RIMS1: variants seen among roughly 807,000 people sequenced by gnomAD.
The protein encoded by RIMS1 is regulating synaptic membrane exocytosis protein 1.
Under a neutral mutation model 214.1 loss-of-function variants are expected in RIMS1, and 83 were observed. That is an observed-to-expected ratio of 0.39 (90% confidence interval 0.32 to 0.47). RIMS1 has a LOEUF of 0.47. Among genes scored for constraint, RIMS1 ranks in the 20% least tolerant of loss-of-function variants. The pLI, the probability that RIMS1 is intolerant of heterozygous loss-of-function variation, is 0.99. For missense variants in RIMS1, 2,050 were observed against 2,161.8 expected, an observed-to-expected ratio of 0.95 and a Z score of 1.03; for synonymous variants, 793 against 786.8, an observed-to-expected ratio of 1.01 and a Z score of -0.13.
intron 29 of RIMS1, among the ~76,000 whole-genome samples, chr6:72,365,455 A>G (rs1036572781): frequency 5.3e-5 from 8 of 152,230 alleles, no homozygotes; most frequent in Admixed American, 1.3e-4. Context: ...TGCCATTTCA[A>G]TTTTAATACC....
At chr6:72,098,542 G>A (rs1395541793) in intron 3 of RIMS1, among the ~76,000 whole-genome samples, 2 of 149,084 alleles carry the variant, frequency 1.3e-5, no homozygotes, top group Non-Finnish European at 3.0e-5. Flanking sequence ...TGATCCGCCC[G>A]TCTCGGCTTC....
chr6:71,981,206 G>A (rs1396427422), intron 2 of RIMS1, among the ~76,000 whole-genome samples: 2 of 152,070 alleles, frequency 1.3e-5, no homozygotes, highest in South Asian at 2.1e-4. Context: ...ATGCTGTTGT[G>A]TTTTAGGCAC....
chr6:72,013,279 A>G (rs1246593118), intron 2 of RIMS1, among the ~76,000 whole-genome samples: 1 of 152,188 alleles, frequency 6.6e-6, no homozygotes, highest in Non-Finnish European at 1.5e-5. Flanking sequence ...AAAAAACAGC[A>G]ATATAATTTA....
intron 2 of RIMS1, among the ~76,000 whole-genome samples, chr6:72,012,244 A>G (rs1291093490): frequency 6.6e-6 from 1 of 151,600 alleles, no homozygotes; most frequent in Admixed American, 6.6e-5. Context: ...AAAACCAAAC[A>G]CCGCATGTTG....
At chr6:72,375,937 A>G (rs1296554249) in intron 29 of RIMS1, among the ~76,000 whole-genome samples, 1 of 152,234 alleles carries the variant, frequency 6.6e-6, no homozygotes, top group South Asian at 2.1e-4. Context: ...AGTGGTAAAT[A>G]TCTCTGACCA....
chr6:72,332,712 A>C (rs969454045), intron 28 of RIMS1, among the ~76,000 whole-genome samples: 1 of 151,242 alleles, frequency 6.6e-6, no homozygotes, highest in Non-Finnish European at 1.5e-5. Context: ...CCTAACATCC[A>C]TGCTCCCTGC....
chr6:72,251,147 T>C lies in RIMS1; in HGVS notation c.2544+55T>C. ...ATAGTTAATAAAGTTTTGTGATATTTATTATGATTACTATTACATTATGTT... is the reference window on the plus strand; with the variant it reads ...ATAGTTAATAAAGTTTTGTGATATTCATTATGATTACTATTACATTATGTT... On this transcript the variant is annotated intron_variant, in intron 14 of 33. Transcript: ENST00000521978. The C allele has an allele frequency of 3.2e-6, 5 of 1,555,274 alleles. No individual in the cohort carries two copies. In the South Asian group the frequency reaches 5.9e-5, roughly 18 times the overall value.
intron 2 of RIMS1, among the ~76,000 whole-genome samples, chr6:71,970,786 G>A (rs1403626476): frequency 1.3e-5 from 2 of 152,190 alleles, no homozygotes; most frequent in Non-Finnish European, 2.9e-5. Flanking sequence ...AGAATTTAAA[G>A]TTTGCTTTCA....
chr6:72,125,895 C>T (rs529757490), intron 4 of RIMS1, among the ~76,000 whole-genome samples: 233 of 152,310 alleles, frequency 1.5e-3, no homozygotes, highest in Non-Finnish European at 2.6e-3. Flanking sequence ...CCATCTGTCA[C>T]GGCTTCCCTT....
chr6:72,389,146 G>A (rs777915923), intron 29 of RIMS1, among the ~76,000 whole-genome samples: 2 of 152,124 alleles, frequency 1.3e-5, no homozygotes, highest in African/African-American at 4.8e-5. Flanking sequence ...GAAGAGACTG[G>A]GAAGTAACAA....
chr6:72,188,627 C>G (rs1175524717), intron 6 of RIMS1, among the ~76,000 whole-genome samples: 1 of 145,418 alleles, frequency 6.9e-6, no homozygotes, highest in Admixed American at 6.7e-5. Context: ...TTCTACTACC[C>G]ATTCTTTATT....
intron 2 of RIMS1, among the ~76,000 whole-genome samples, chr6:72,031,903 T>C (rs1328658717): frequency 2.0e-5 from 3 of 152,164 alleles, no homozygotes; most frequent in Non-Finnish European, 4.4e-5. Flanking sequence ...GCTGTAATAA[T>C]AGAGATGGAA....
intron 2 of RIMS1, among the ~76,000 whole-genome samples, chr6:72,022,444 C>T (rs72931424): frequency 6.6e-6 from 1 of 152,214 alleles, no homozygotes; most frequent in Non-Finnish European, 1.5e-5. Flanking sequence ...GGTGATCCAC[C>T]TTTCTAACAT....
At chr6:72,353,754 A>T (rs1233802344) in intron 29 of RIMS1, among the ~76,000 whole-genome samples, 4 of 152,186 alleles carry the variant, frequency 2.6e-5, no homozygotes, top group African/African-American at 4.8e-5. Context: ...ATGTCTACAA[A>T]TAACAGGCAT....
chr6:71,973,582 C>T (rs1249828504), intron 2 of RIMS1, among the ~76,000 whole-genome samples: 1 of 152,148 alleles, frequency 6.6e-6, no homozygotes, highest in Non-Finnish European at 1.5e-5. Context: ...CCCTGTGGCT[C>T]TTAACTGACC....
chr6:72,165,791 G>T (rs751120923), intron 4 of RIMS1, among the ~76,000 whole-genome samples: 15 of 152,218 alleles, frequency 9.9e-5, no homozygotes, highest in Middle Eastern at 6.8e-3. Flanking sequence ...AATAATGAAT[G>T]AGGAGGCCAC....
intron 9 of RIMS1, among the ~76,000 whole-genome samples, chr6:72,241,789 A>G (rs2067033487): frequency 6.6e-6 from 1 of 152,168 alleles, no homozygotes. Flanking sequence ...ATGCATTTTT[A>G]TTCTGTTGTG....
chr6:71,990,800 T>C (rs1801371995), intron 2 of RIMS1, among the ~76,000 whole-genome samples: 1 of 151,268 alleles, frequency 6.6e-6, no homozygotes, highest in Non-Finnish European at 1.5e-5. Context: ...GGGGTGAGGC[T>C]GGAGGAGCAG....
chr6:72,251,545 A>G (rs2073323885), intron 15 of RIMS1, among the ~76,000 whole-genome samples, 177 bp downstream of exon 15: 1 of 152,192 alleles, frequency 6.6e-6, no homozygotes, highest in Non-Finnish European at 1.5e-5. Context: ...AATGAAAATA[A>G]TGTAGATAGC....
Sources: gnomAD v4.1 joint callset for allele counts (sites outside exome capture counted in the v4.1 genomes callset) on GRCh38, gnomAD v4.1.1 for gene constraint, MANE v1.5 for transcripts, NCBI Gene and HGNC (gene_info 2026-07-23, HGNC 2026-07-21) for gene names.